The following FBXL4 variants were observed in gnomAD, a reference collection of about 807,000 sequenced individuals.
The protein encoded by FBXL4 is F-box/LRR-repeat protein 4.
Under a neutral mutation model 58.9 loss-of-function variants are expected in FBXL4, and 40 were observed. The observed-to-expected ratio is 0.68, with a 90% CI of 0.53 to 0.88. The LOEUF (loss-of-function observed/expected upper bound fraction) is 0.88. FBXL4 is among the 40% of genes least tolerant of loss of function. FBXL4 has a pLI of 0.00. For missense variants in FBXL4, 676 were observed against 734.4 expected (o/e 0.92, Z 0.92); for synonymous variants, 263 against 265.5 (o/e 0.99, Z 0.09).
At chr6:98,886,170 C>T (rs1271655892) in intron 7 of FBXL4, among the ~76,000 whole-genome samples, 1 of 152,130 alleles carries the variant, frequency 6.6e-6, no homozygotes, top group Non-Finnish European at 1.5e-5. Context: ...TGTTTTAAGC[C>T]ACTAATTTTG....
chr6:98,936,096 C>T (rs1300772839), intron 1 of FBXL4, among the ~76,000 whole-genome samples: 1 of 151,952 alleles, frequency 6.6e-6, no homozygotes, highest in African/African-American at 2.4e-5. Flanking sequence ...AACAAAAATC[C>T]AAGGACAATA....
At chr6:98,883,491 G>C (rs771835283) in intron 7 of FBXL4, among the ~76,000 whole-genome samples, 8 of 151,810 alleles carry the variant, frequency 5.3e-5, no homozygotes, top group Admixed American at 2.6e-4. Context: ...TTTCCAAAAA[G>C]TTCTTCTTTA....
rs186414884 is a variant in FBXL4 at position 98,916,912 on chromosome 6, A to G, written c.858+462T>C. ...AAAATTACAGTTAGGAGAATATAGA[A>G]TAGAGTTAGTATAGAAAAAAAATGA... is the stretch of plus-strand genomic sequence containing the variant. On this transcript the variant is annotated intron_variant, in intron 5 of 9. Transcript: ENST00000369244. 1.7e-3 allele frequency among the ~76,000 whole-genome samples: 255 copies of G among 152,162 alleles called. 1 individual carries two copies. Among genetic ancestry groups the G allele is most frequent in the Admixed American group, 3.9e-3 (60 of 15,270 alleles).
chr6:98,927,045 C>T lies in FBXL4; in HGVS notation c.-57G>A, dbSNP rs1289428379. On this transcript the variant is annotated 5_prime_UTR_variant, in exon 4 of 10. Coordinates refer to ENST00000369244, the MANE Select transcript of FBXL4 (RefSeq NM_001278716.2). The stretch of plus-strand genomic sequence containing the variant: ...AGGTGTCCTCAGTAAGATGCATGAA[C>T]TCTTTGAAGGATGTTCTAAAAAAAT... 1.3e-6 allele frequency: 2 copies of T among 1,530,664 alleles called. No homozygotes were observed. Among genetic ancestry groups the T allele is most frequent in the Middle Eastern group, 1.7e-4 (1 of 5,776 alleles). The allele number at this position is 1,530,664 out of a possible 1,614,324, so 94.8% of individuals were successfully genotyped here. A position where few individuals can be genotyped will look rare whatever the true frequency, so the allele number is the denominator to read the frequency against.
chr6:98,921,476 A>G (rs1258496511), intron 4 of FBXL4, among the ~76,000 whole-genome samples: 1 of 151,858 alleles, frequency 6.6e-6, no homozygotes, highest in Non-Finnish European at 1.5e-5. Context: ...AAGTGAAGGA[A>G]TAATAGGAAA....
chr6:98,927,494 C>T (rs963574159), intron 3 of FBXL4, among the ~76,000 whole-genome samples: 1 of 152,168 alleles, frequency 6.6e-6, no homozygotes, highest in African/African-American at 2.4e-5. Flanking sequence ...TTAATTATTA[C>T]TCTCTTTCAA....
rs1157100887 is a variant in FBXL4, at chr6:98,907,211, T to C, written c.859-1541A>G. Reference sequence around the variant, plus strand: ...GAAAAGAGAGTCTAGTGGCAAAGACTGTGTTATGAAAGCCTCACAGAGGAG... The same window carrying C: ...GAAAAGAGAGTCTAGTGGCAAAGACCGTGTTATGAAAGCCTCACAGAGGAG... On this transcript the variant is annotated intron_variant, in intron 5 of 9. Coordinates refer to ENST00000369244, the MANE Select transcript of FBXL4 (RefSeq NM_001278716.2). Among the ~76,000 whole-genome samples the C allele has an allele frequency of 2.0e-5, 3 of 152,302 alleles. No homozygotes were observed. The East Asian group carries it at 5.8e-4, about 29-fold the overall frequency.
chr6:98,926,454 G>A (rs1278888359), intron 4 of FBXL4, 23 bp downstream of exon 4: 1 of 1,571,092 alleles, frequency 6.4e-7, no homozygotes, highest in East Asian at 2.3e-5. Flanking sequence ...ATATAACTTA[G>A]GTCATTAAAA....
chr6:98,892,971 T>G (rs1431902571), intron 7 of FBXL4, among the ~76,000 whole-genome samples: 1 of 152,220 alleles, frequency 6.6e-6, no homozygotes, highest in East Asian at 1.9e-4. Flanking sequence ...TGGATGCAGG[T>G]GTTCCATTTA....
chr6:98,911,981 A>G (rs1171451205), intron 5 of FBXL4, among the ~76,000 whole-genome samples: 1 of 152,240 alleles, frequency 6.6e-6, no homozygotes, highest in East Asian at 1.9e-4. Context: ...AAGTACTTAA[A>G]GGAGCTGATG....
At chr6:98,946,193 C>T (rs879934927) in intron 1 of FBXL4, among the ~76,000 whole-genome samples, 1 of 152,110 alleles carries the variant, frequency 6.6e-6, no homozygotes, top group Non-Finnish European at 1.5e-5. Flanking sequence ...AATACTAGAC[C>T]GTTCAGAAAG....
Position 98,926,475 on chromosome 6 carries a change from A to G in FBXL4, c.512+2T>C. On this transcript the variant is annotated splice_donor_variant, in intron 4 of 9. Transcript: ENST00000369244. LOFTEE classifies it high-confidence loss of function. ...CTTAGGTCATTAAAAAATTAGTCTTACCTTACTTCAGCTGGTGGATTTGGG... is the reference window on the plus strand; with the variant it reads ...CTTAGGTCATTAAAAAATTAGTCTTGCCTTACTTCAGCTGGTGGATTTGGG... 1.9e-6 allele frequency: 3 copies of G among 1,598,340 alleles called. No homozygotes were observed. Among genetic ancestry groups the G allele is most frequent in the Non-Finnish European group, 2.6e-6 (3 of 1,170,712 alleles).
intron 7 of FBXL4, among the ~76,000 whole-genome samples, chr6:98,894,683 A>G (rs906839906): frequency 1.3e-5 from 2 of 152,194 alleles, no homozygotes; most frequent in African/African-American, 4.8e-5. Context: ...TTCTTTACTA[A>G]GCATGTATTT....
intron 1 of FBXL4, among the ~76,000 whole-genome samples, chr6:98,937,399 T>C (rs1277366649): frequency 1.3e-5 from 2 of 152,210 alleles, no homozygotes; most frequent in African/African-American, 4.8e-5. Flanking sequence ...AAACAGTTGA[T>C]TAACATATTT....
intron 7 of FBXL4, chr6:98,898,727 T>C (rs901218162): frequency 2.6e-5 from 26 of 984,482 alleles, no homozygotes; most frequent in Non-Finnish European, 3.1e-5. Context: ...TGGTATAACA[T>C]ACACTATTAC....
intron 7 of FBXL4, among the ~76,000 whole-genome samples, chr6:98,888,537 T>C (rs1771116306): frequency 1.3e-5 from 2 of 152,240 alleles, no homozygotes; most frequent in Admixed American, 1.3e-4. Context: ...AAAAATTCTA[T>C]GAACCTCTTA....
intron 4 of FBXL4, among the ~76,000 whole-genome samples, chr6:98,920,855 C>T (rs796823315): frequency 3.6e-4 from 53 of 148,374 alleles, no homozygotes; most frequent in African/African-American, 1.1e-3. Flanking sequence ...CACACACACA[C>T]ATTCTGGAGA....
intron 6 of FBXL4, among the ~76,000 whole-genome samples, chr6:98,900,314 CTT>C (rs1771559303): frequency 6.6e-6 from 1 of 152,186 alleles, no homozygotes; most frequent in Non-Finnish European, 1.5e-5. Flanking sequence ...GTCCAGGTCT[CTT>C]GACATAAATC....
intron 4 of FBXL4, among the ~76,000 whole-genome samples, chr6:98,919,818 C>T (rs932081472): frequency 6.6e-6 from 1 of 152,112 alleles, no homozygotes; most frequent in Non-Finnish European, 1.5e-5. Flanking sequence ...TTATAGAATA[C>T]ATGAAGAAAT....
Sources: allele counts gnomAD v4.1 joint callset (sites outside exome capture counted in the v4.1 genomes callset), GRCh38; gene constraint gnomAD v4.1.1; transcripts MANE v1.5; gene names NCBI Gene and HGNC (gene_info 2026-07-23, HGNC 2026-07-21).